Variants in ATRNL1 observed in about 807,000 individuals in gnomAD.
ATRNL1 encodes the protein attractin-like protein 1.
ATRNL1 carries 95 observed loss-of-function variants against 182.7 expected under a neutral mutation model. The ratio of observed to expected loss-of-function variants is 0.52; its 90% CI spans 0.44 to 0.62. The LOEUF (loss-of-function observed/expected upper bound fraction) is 0.62, where lower values mean the gene tolerates loss of function less well. ATRNL1 is among the 20% of genes least tolerant of loss of function. ATRNL1 has a pLI of 0.00. For missense variants in ATRNL1, 1,471 were observed against 1,679.5 expected (o/e 0.88, Z 2.17); for synonymous variants, 576 against 568.3 (o/e 1.01, Z -0.19).
intron 1 of ATRNL1, among the ~76,000 whole-genome samples, chr10:115,107,752 A>G (rs925180947): frequency 2.0e-5 from 3 of 152,242 alleles, no homozygotes; most frequent in African/African-American, 7.2e-5. Context: ...TTGGCACCAC[A>G]TGGATGGATA....
intron 9 of ATRNL1, 22 bp from the exon 10 acceptor site, chr10:115,241,549 A>C: frequency 6.4e-7 from 1 of 1,551,226 alleles, no homozygotes; most frequent in Non-Finnish European, 8.8e-7. Flanking sequence ...TTTGTAATAC[A>C]TTTTTAAATT....
chr10:115,509,408 A>G (rs1309675058), intron 24 of ATRNL1, among the ~76,000 whole-genome samples: 5 of 151,872 alleles, frequency 3.3e-5, no homozygotes, highest in African/African-American at 1.2e-4. Flanking sequence ...AGGTGATTGG[A>G]TCATGGGGAT....
chr10:115,738,293 C>A (rs1565335475), intron 27 of ATRNL1, among the ~76,000 whole-genome samples: 1 of 150,272 alleles, frequency 6.7e-6, no homozygotes, highest in Non-Finnish European at 1.5e-5. Context: ...ACACCCACTA[C>A]AATGCCCAGC....
At chr10:115,418,537 AAAT>A (rs1232328827) in intron 20 of ATRNL1, among the ~76,000 whole-genome samples, 2 of 152,168 alleles carry the variant, frequency 1.3e-5, no homozygotes, top group Admixed American at 1.3e-4. Context: ...AACTTATTAA[AAAT>A]AATAACAGAA....
At chr10:115,499,306 T>C (rs1554979395) in intron 24 of ATRNL1, among the ~76,000 whole-genome samples, 1 of 152,210 alleles carries the variant, frequency 6.6e-6, no homozygotes. Flanking sequence ...ATTCTACATA[T>C]TTTAACTGGT....
intron 28 of ATRNL1, among the ~76,000 whole-genome samples, chr10:115,939,964 A>G (rs1953677504): frequency 6.6e-6 from 1 of 152,208 alleles, no homozygotes; most frequent in South Asian, 2.1e-4. Flanking sequence ...AAACCCAGAA[A>G]AGATCGCAAA....
chr10:115,093,962 C>G lies in ATRNL1; in HGVS notation c.212C>G (p.Ser71Trp), dbSNP rs782083561. ...TGCGAGAGGACCGGCTCCTGCTTCT[C>G]GGGCCGCTGTGTCAACTCCACCTGC... ...KPCERTGSCF[S>W]GRCVNSTCLC... The change falls in exon 1 of 29, where the codon TCG becomes TGG. Residue 71 changes from serine (S) to tryptophan (W), a missense_variant. Physicochemically the swap from Ser to Trp is radical, Grantham distance 177 (BLOSUM62 -3). Around this residue, in one of 3 missense-constraint regions of ATRNL1, gnomAD observed 1,031 missense variants for 1,156.0 expected, o/e 0.89. Transcript: ENST00000355044. The surrounding 1 kb of genome is among the most constrained non-coding windows in gnomAD (Gnocchi z 6.1). 1 of 1,587,832 alleles carries G rather than the reference C, an allele frequency of 6.3e-7. No homozygotes were observed. Among genetic ancestry groups the G allele is most frequent in the South Asian group, 1.1e-5 (1 of 87,670 alleles).
chr10:115,180,396 T>G (rs914012466), intron 8 of ATRNL1, among the ~76,000 whole-genome samples: 2 of 152,026 alleles, frequency 1.3e-5, no homozygotes, highest in Non-Finnish European at 2.9e-5. Context: ...CATGTCATTA[T>G]ATATTGCTGC....
chr10:115,751,483 A>G (rs1166776413), intron 27 of ATRNL1, among the ~76,000 whole-genome samples: 2 of 152,088 alleles, frequency 1.3e-5, no homozygotes. Context: ...ATTGTTGGGA[A>G]TGCAAACTGT....
At position 115,299,980 on chromosome 10, in the gene ATRNL1, G is replaced by A; in HGVS notation, c.2416-54G>A. 2.3e-6 allele frequency: 3 copies of A among 1,306,560 alleles called. No individual in the cohort carries two copies. In the South Asian group the frequency reaches 3.7e-5, roughly 16 times the overall value. 80.9% of individuals were successfully genotyped at this position (1,306,560 alleles called of 1,614,324 possible). A position where few individuals can be genotyped will look rare whatever the true frequency, so the allele number is the denominator to read the frequency against. On this transcript the variant is annotated intron_variant, in intron 15 of 28. Coordinates refer to ENST00000355044, the MANE Select transcript of ATRNL1 (RefSeq NM_207303.4). ...TAGTGAACTATTTGCTAAGGAATAT[G>A]CCATATTTTTACATCTAACTTTCTT...
chr10:115,591,378 C>T (rs1855893662), intron 26 of ATRNL1, among the ~76,000 whole-genome samples: 1 of 152,074 alleles, frequency 6.6e-6, no homozygotes, highest in Admixed American at 6.6e-5. Flanking sequence ...ACATGTGGCC[C>T]TTCTGCCCTC....
At chr10:115,765,975 TC>T (rs57521860) in intron 27 of ATRNL1, among the ~76,000 whole-genome samples, 3,548 of 15,630 alleles carry the variant, frequency 0.23, 122 homozygotes, top group Middle Eastern at 0.5. Context: ...AACCATCCTT[TC>T]CCCCCCCCGG....
At chr10:115,668,142 G>A (rs1309159645) in intron 26 of ATRNL1, among the ~76,000 whole-genome samples, 1 of 152,048 alleles carries the variant, frequency 6.6e-6, no homozygotes, top group African/African-American at 2.4e-5. Context: ...TGACTTTCTT[G>A]CTTTTGATTT....
At chr10:115,584,849 A>C (rs1855407613) in intron 26 of ATRNL1, among the ~76,000 whole-genome samples, 1 of 151,256 alleles carries the variant, frequency 6.6e-6, no homozygotes, top group Non-Finnish European at 1.5e-5. Flanking sequence ...TTAGGGTGTC[A>C]ATTTTGGATC....
chr10:115,918,934 T>C (rs1952961294), intron 28 of ATRNL1, among the ~76,000 whole-genome samples: 1 of 152,228 alleles, frequency 6.6e-6, no homozygotes, highest in Non-Finnish European at 1.5e-5. Flanking sequence ...ATGTAAAATA[T>C]TTCCAAATAA....
chr10:115,366,648 G>A (rs1463392566), intron 19 of ATRNL1, among the ~76,000 whole-genome samples: 79 of 150,558 alleles, frequency 5.2e-4, no homozygotes, highest in Non-Finnish European at 9.6e-4. Flanking sequence ...ATTTTGCAGC[G>A]GCTGGTACCG....
chr10:115,763,860 T>G (rs1416916867), intron 27 of ATRNL1, among the ~76,000 whole-genome samples: 14 of 152,186 alleles, frequency 9.2e-5, no homozygotes, highest in Admixed American at 8.5e-4. Flanking sequence ...TTGAATTGTT[T>G]TAGTAGATAC....
At chr10:115,416,811 T>C (rs1331262833) in intron 20 of ATRNL1, among the ~76,000 whole-genome samples, 4 of 152,158 alleles carry the variant, frequency 2.6e-5, no homozygotes, top group African/African-American at 9.7e-5. Context: ...AAAAAGAAAA[T>C]GTTATAACTT....
chr10:115,411,566 A>C (rs589508), intron 20 of ATRNL1, among the ~76,000 whole-genome samples: 1 of 151,648 alleles, frequency 6.6e-6, no homozygotes, highest in Non-Finnish European at 1.5e-5. Context: ...ACCCTTTGAA[A>C]TTACATTTTT....
Sources: allele counts gnomAD v4.1 joint callset (sites outside exome capture counted in the v4.1 genomes callset), GRCh38; gene constraint gnomAD v4.1.1; regional missense constraint gnomAD v4.1.1; non-coding constraint Gnocchi (gnomAD v3.1); transcripts MANE v1.5; gene names NCBI Gene and HGNC (gene_info 2026-07-23, HGNC 2026-07-21).